Variants in ZNF385D observed in about 807,000 individuals in gnomAD.
The protein encoded by ZNF385D is zinc finger protein 385D, also known as zinc finger protein 659.
Under a neutral mutation model 35.8 loss-of-function variants are expected in ZNF385D, and 15 were observed. That is an observed-to-expected ratio of 0.42 (90% CI 0.28 to 0.64). The LOEUF (loss-of-function observed/expected upper bound fraction) is 0.64, where lower values mean the gene tolerates loss of function less well. Ranked by LOEUF, ZNF385D falls within the 30% of genes least tolerant of loss-of-function variation. The probability of loss-of-function intolerance (pLI) is 0.23; values close to 1 mark genes in which losing one functional copy is unlikely to be tolerated. For synonymous variants in ZNF385D, 212 were observed against 186.8 expected, an observed-to-expected ratio of 1.13 and a Z score of -1.10; for missense variants, 474 against 494.6, an observed-to-expected ratio of 0.96 and a Z score of 0.39.
intron 3 of ZNF385D, among the ~76,000 whole-genome samples, chr3:21,900,339 A>C (rs1699336461): frequency 6.6e-6 from 1 of 152,184 alleles, no homozygotes; most frequent in Non-Finnish European, 1.5e-5. Context: ...ATGGAAAATA[A>C]AATGGAATAT....
At chr3:21,687,188 C>A (rs1204675230) in intron 1 of ZNF385D, among the ~76,000 whole-genome samples, 1 of 152,162 alleles carries the variant, frequency 6.6e-6, no homozygotes, top group East Asian at 1.9e-4. Context: ...CCTCCAGAAA[C>A]ATGCGTGGGG....
chr3:22,085,623 T>A (rs1482821613), intron 3 of ZNF385D, among the ~76,000 whole-genome samples: 1 of 152,182 alleles, frequency 6.6e-6, no homozygotes, highest in African/African-American at 2.4e-5. Context: ...CCAGACGGAT[T>A]CACAGCCGAA....
At chr3:21,566,021 GT>G (rs1376920882) in intron 2 of ZNF385D, among the ~76,000 whole-genome samples, 1 of 152,176 alleles carries the variant, frequency 6.6e-6, no homozygotes, top group Non-Finnish European at 1.5e-5. Context: ...GAAGGAGAAA[GT>G]TTCTGACTTC....
chr3:21,750,564 C>T (rs904977011), intron 1 of ZNF385D, among the ~76,000 whole-genome samples: 4 of 152,184 alleles, frequency 2.6e-5, no homozygotes, highest in Non-Finnish European at 5.9e-5. Context: ...TAAGTTAGCT[C>T]ATGACTTCCC....
At chr3:21,888,005 TTAAAA>T (rs1314618457) in intron 3 of ZNF385D, among the ~76,000 whole-genome samples, 16 of 152,184 alleles carry the variant, frequency 1.1e-4, no homozygotes, top group African/African-American at 2.9e-4. Flanking sequence ...AAAATTACTG[TTAAAA>T]TAAAGTGATT....
At chr3:21,810,221 CA>C (rs1300372696) in intron 3 of ZNF385D, among the ~76,000 whole-genome samples, 1 of 151,978 alleles carries the variant, frequency 6.6e-6, no homozygotes, top group African/African-American at 2.4e-5. Context: ...TCTAGGAATT[CA>C]AGGCCAATGT....
intron 3 of ZNF385D, among the ~76,000 whole-genome samples, chr3:22,126,760 C>T (rs1045638538): frequency 2.6e-5 from 4 of 152,026 alleles, no homozygotes; most frequent in African/African-American, 7.2e-5. Flanking sequence ...GCATTATCTG[C>T]CCAATGCTGA....
intron 3 of ZNF385D, among the ~76,000 whole-genome samples, chr3:22,080,092 A>G (rs1332212173): frequency 6.6e-6 from 1 of 152,170 alleles, no homozygotes; most frequent in Non-Finnish European, 1.5e-5. Flanking sequence ...GGATCGTTTT[A>G]TAAGATGTTT....
At chr3:22,185,805 G>T (rs1043418266) in intron 2 of ZNF385D, among the ~76,000 whole-genome samples, 1 of 152,090 alleles carries the variant, frequency 6.6e-6, no homozygotes, top group Non-Finnish European at 1.5e-5. Context: ...TGTCCCACCT[G>T]GAAAAGCACC....
intron 3 of ZNF385D, among the ~76,000 whole-genome samples, chr3:22,085,877 C>T (rs528194134): frequency 5.3e-5 from 8 of 152,290 alleles, no homozygotes; most frequent in South Asian, 2.1e-4. Flanking sequence ...AGCTTCATCC[C>T]TGAGTTGCAA....
intron 3 of ZNF385D, among the ~76,000 whole-genome samples, chr3:21,843,087 CTATT>C (rs1410197619): frequency 5.9e-5 from 9 of 152,138 alleles, no homozygotes; most frequent in Middle Eastern, 6.8e-3. Context: ...TTATTGGAAA[CTATT>C]TATCCTGGAG....
chr3:21,885,753 T>C (rs1317683679), intron 3 of ZNF385D, among the ~76,000 whole-genome samples: 10 of 142,170 alleles, frequency 7.0e-5, no homozygotes, highest in Admixed American at 6.4e-4. Flanking sequence ...TGTGTGTGTG[T>C]GTGTGTGTGT....
At chr3:21,770,027 T>C (rs1183071017) in intron 3 of ZNF385D, among the ~76,000 whole-genome samples, 1 of 152,154 alleles carries the variant, frequency 6.6e-6, no homozygotes, top group Non-Finnish European at 1.5e-5. Flanking sequence ...GAAAACTGGC[T>C]TGCCATATGG....
chr3:22,072,924 A>C (rs1047270683), intron 3 of ZNF385D, among the ~76,000 whole-genome samples: 6 of 151,964 alleles, frequency 3.9e-5, no homozygotes, highest in Non-Finnish European at 7.4e-5. Context: ...GGCCAAGAGA[A>C]AAGCATTTGT....
intron 2 of ZNF385D, among the ~76,000 whole-genome samples, chr3:21,637,202 G>C (rs1394646305): frequency 6.6e-6 from 1 of 151,930 alleles, no homozygotes; most frequent in African/African-American, 2.4e-5. Flanking sequence ...GTTTTTTCCT[G>C]ATATTAACTT....
At chr3:22,081,784 C>T (rs1222829964) in intron 3 of ZNF385D, among the ~76,000 whole-genome samples, 1 of 152,114 alleles carries the variant, frequency 6.6e-6, no homozygotes, top group Non-Finnish European at 1.5e-5. Flanking sequence ...ATTCTCTGGT[C>T]ATTTTTTTAA....
intron 2 of ZNF385D, among the ~76,000 whole-genome samples, chr3:22,187,497 C>A (rs952100942): frequency 1.3e-5 from 2 of 152,096 alleles, no homozygotes; most frequent in Non-Finnish European, 2.9e-5. Flanking sequence ...CAGATACACA[C>A]ACACACAAAG....
chr3:22,271,742 C>T (rs911419975), intron 2 of ZNF385D, among the ~76,000 whole-genome samples: 1 of 151,862 alleles, frequency 6.6e-6, no homozygotes, highest in African/African-American at 2.4e-5. Flanking sequence ...TCCGATCCTC[C>T]GTAACCCCTC....
chr3:21,969,959 T>C (rs1306328928), intron 3 of ZNF385D, among the ~76,000 whole-genome samples: 1 of 152,092 alleles, frequency 6.6e-6, no homozygotes, highest in Non-Finnish European at 1.5e-5. Flanking sequence ...AGACCTCCAA[T>C]CCAGTATCTC....
Sources: allele counts gnomAD v4.1 joint callset (sites outside exome capture counted in the v4.1 genomes callset), GRCh38; gene constraint gnomAD v4.1.1; transcripts MANE v1.5; gene names NCBI Gene and HGNC (gene_info 2026-07-23, HGNC 2026-07-21).